HPD: variants seen among roughly 807,000 people sequenced by gnomAD.
HPD encodes 4-hydroxyphenylpyruvic acid oxidase.
Under a neutral mutation model 56.9 loss-of-function variants are expected in HPD, and 35 were observed. That is an observed-to-expected ratio of 0.62 (90% CI 0.47 to 0.82). The LOEUF (loss-of-function observed/expected upper bound fraction) is 0.82, where lower values mean the gene tolerates loss of function less well. Ranked by LOEUF, HPD falls within the 40% of genes least tolerant of loss-of-function variation. The pLI is 0.00. For missense variants in HPD, 442 were observed against 506.8 expected (o/e 0.87, Z 1.23); for synonymous variants, 186 against 200.2 (o/e 0.93, Z 0.60).
Position 121,839,918 on chromosome 12 carries a change from G to T in HPD, c.1071+14C>A, listed in dbSNP as rs1170992808. On this transcript the variant is annotated intron_variant, in intron 13 of 13. Coordinates refer to ENST00000289004, the MANE Select transcript of HPD (RefSeq NM_002150.3). ...GCTGCCTGTCCCCTCGGGCCTGCCG[G>T]GGACAAGCAGTACCTGGTGGTTGTG... 1 of 1,610,688 alleles carries T rather than the reference G, an allele frequency of 6.2e-7. No individual in the cohort carries two copies. The highest frequency in any genetic ancestry group is 1.1e-5 in the South Asian group (1 of 91,008).
intron 12 of HPD, among the ~76,000 whole-genome samples, chr12:121,842,809 G>A (rs1405910059): frequency 1.5e-5 from 2 of 132,724 alleles, no homozygotes; most frequent in African/African-American, 2.9e-5. Flanking sequence ...ATGTAGTAGC[G>A]CAATCTCGGC....
At chr12:121,865,301 CTT>C, upstream of HPD, among the ~76,000 whole-genome samples, 1 of 151,338 alleles carries the variant, frequency 6.6e-6, no homozygotes, top group Non-Finnish European at 1.5e-5. Context: ...CAGAGTTTCG[CTT>C]TTGTTGCCCA....
chr12:121,882,930 G>C, the HPD span, among the ~76,000 whole-genome samples: 1 of 152,014 alleles, frequency 6.6e-6, no homozygotes, highest in African/African-American at 2.4e-5. Flanking sequence ...GTTTCACCAT[G>C]TTGGCCAGGC....
intron 3 of HPD, 151 bp downstream of exon 3, chr12:121,857,606 C>G: frequency 1.2e-6 from 1 of 834,006 alleles, no homozygotes; most frequent in Non-Finnish European, 2.0e-6. Flanking sequence ...AACTTTCCCG[C>G]TGGTGTAATT....
chr12:121,865,261 CTCTTTCTT>C (rs79584022), upstream of HPD, among the ~76,000 whole-genome samples: 319 of 149,586 alleles, frequency 2.1e-3, 1 homozygote, highest in African/African-American at 7.2e-3. Context: ...CAGCGACACT[CTCTTTCTT>C]TCTTTCTTTC....
At chr12:121,870,980 G>T in the HPD span, among the ~76,000 whole-genome samples, 6 of 152,090 alleles carry the variant, frequency 3.9e-5, no homozygotes, top group Admixed American at 3.9e-4. Flanking sequence ...AAGAGAGCTG[G>T]GCTGGAAACC....
the HPD span, among the ~76,000 whole-genome samples, chr12:121,879,056 G>A: frequency 2.1e-3 from 325 of 152,138 alleles, 1 homozygote; most frequent in African/African-American, 7.3e-3. Flanking sequence ...AGGCTGAGGC[G>A]GGTGTATCGC....
the HPD span, among the ~76,000 whole-genome samples, chr12:121,887,234 A>G: frequency 2.4e-5 from 3 of 123,916 alleles, no homozygotes; most frequent in African/African-American, 8.2e-5. Flanking sequence ...TTTTTTTTGT[A>G]GAGATGGAGG....
chr12:121,853,187 C>G (rs920856456), intron 7 of HPD, among the ~76,000 whole-genome samples: 3 of 151,676 alleles, frequency 2.0e-5, no homozygotes, highest in Non-Finnish European at 2.9e-5. Context: ...TGGGGGAGGT[C>G]GGGGAGGGAG....
chr12:121,856,116 C>T (rs892285200), intron 6 of HPD: 13 of 648,996 alleles, frequency 2.0e-5, no homozygotes, highest in African/African-American at 1.1e-4. Flanking sequence ...ACCCCCGGAG[C>T]CCAGGTGTGT....
Position 121,839,810 on chromosome 12 carries a change from A to T in HPD, c.1100T>A (p.Leu367Gln). The change falls in exon 14 of 14, where the codon CTG (leucine) becomes CAG (glutamine). Residue 367 changes from leucine (L) to glutamine (Q), a missense_variant. Physicochemically the swap from Leu to Gln is moderately radical, Grantham distance 113. Coordinates refer to ENST00000289004, the MANE Select transcript of HPD (RefSeq NM_002150.3). ...CTGCTCCTCCTCGAAAGCCTTGAACAGTGAGTTGAAGTTGCCGGCTCCAAA... is the reference window on the plus strand; with the variant it reads ...CTGCTCCTCCTCGAAAGCCTTGAACTGTGAGTTGAAGTTGCCGGCTCCAAA... Reference protein sequence around the residue: ...QGFGAGNFNSLFKAFEEEQNL... With the variant: ...QGFGAGNFNSQFKAFEEEQNL... 1 of 1,614,190 alleles carries T rather than the reference A, an allele frequency of 6.2e-7. No homozygotes were observed. The highest frequency in any genetic ancestry group is 8.5e-7 in the Non-Finnish European group (1 of 1,180,016).
chr12:121,871,998 C>G, the HPD span, among the ~76,000 whole-genome samples: 84 of 149,646 alleles, frequency 5.6e-4, no homozygotes, highest in African/African-American at 2.0e-3. Flanking sequence ...TTTGGGAGGC[C>G]GAGGCGGGTG....
the HPD span, among the ~76,000 whole-genome samples, chr12:121,880,448 C>T: frequency 6.6e-6 from 1 of 152,150 alleles, no homozygotes; most frequent in Non-Finnish European, 1.5e-5. Flanking sequence ...CCCGCCTTGG[C>T]CTCCCAAAGT....
the HPD span, among the ~76,000 whole-genome samples, chr12:121,880,418 A>T: frequency 6.6e-6 from 1 of 151,360 alleles, no homozygotes; most frequent in South Asian, 2.1e-4. Context: ...CTGGTCTTGA[A>T]CTCCTGACCT....
intron 6 of HPD, among the ~76,000 whole-genome samples, chr12:121,855,127 A>G (rs1877946493): frequency 6.6e-6 from 1 of 152,214 alleles, no homozygotes; most frequent in Non-Finnish European, 1.5e-5. Context: ...GGATGAGAAT[A>G]ATAAGAAGAT....
chr12:121,883,605 T>A, the HPD span, among the ~76,000 whole-genome samples: 1 of 152,060 alleles, frequency 6.6e-6, no homozygotes, highest in East Asian at 1.9e-4. Flanking sequence ...TCACCCTTTT[T>A]ATTTGGAAAA....
At chr12:121,886,109 G>GTTTTTT in the HPD span, among the ~76,000 whole-genome samples, 1 of 129,444 alleles carries the variant, frequency 7.7e-6, no homozygotes, top group African/African-American at 2.8e-5. Context: ...ATTGCATTTA[G>GTTTTTT]TTTTTTTTTT....
chr12:121,866,394 G>T (rs963989045), upstream of HPD, among the ~76,000 whole-genome samples: 1 of 150,248 alleles, frequency 6.7e-6, no homozygotes, highest in Non-Finnish European at 1.5e-5. Flanking sequence ...AAAAAAAAAG[G>T]CACGGAGCAG....
the HPD span, among the ~76,000 whole-genome samples, chr12:121,883,030 G>C: frequency 6.6e-6 from 1 of 152,058 alleles, no homozygotes; most frequent in African/African-American, 2.4e-5. Flanking sequence ...ACCCAGCCTT[G>C]AGCTGGATCT....
Sources: gnomAD v4.1 joint callset for allele counts (sites outside exome capture counted in the v4.1 genomes callset) on GRCh38, gnomAD v4.1.1 for gene constraint, MANE v1.5 for transcripts, NCBI Gene and HGNC (gene_info 2026-07-23, HGNC 2026-07-21) for gene names.